The following STMND1 variants were observed in gnomAD, a reference collection of about 807,000 sequenced individuals.
STMND1 encodes stathmin domain containing 1.
Under a neutral mutation model 23.0 loss-of-function variants are expected in STMND1, and 17 were observed. The observed-to-expected ratio is 0.74, with a 90% CI of 0.51 to 1.11. STMND1 has a LOEUF of 1.11. STMND1 is among the 50% of genes least tolerant of loss of function. STMND1 has a pLI of 0.00. For synonymous variants in STMND1, 114 were observed against 119.9 expected (o/e 0.95, Z 0.32); for missense variants, 305 against 329.1 (o/e 0.93, Z 0.57).
Position 17,115,158 on chromosome 6 carries a change from C to G in STMND1, c.259+19C>G. On this transcript the variant is annotated intron_variant, in intron 2 of 4. Transcript: ENST00000536551. ...AATTCAGGTAACCTCCCTCTGCCCCCATTCACGTAGATCTTCACAAAATAC... is the reference window on the plus strand; with the variant it reads ...AATTCAGGTAACCTCCCTCTGCCCCGATTCACGTAGATCTTCACAAAATAC... 1 of 1,527,100 alleles carries G rather than the reference C, an allele frequency of 6.5e-7. No individual in the cohort carries two copies. The highest frequency in any genetic ancestry group is 8.7e-7 in the Non-Finnish European group (1 of 1,143,026). 94.6% of individuals were successfully genotyped at this position (1,527,100 alleles called of 1,614,324 possible).
At position 17,130,809 on chromosome 6, in the gene STMND1, C is replaced by G. The variant is rs760258726; in HGVS notation, c.759C>G (p.Asn253Lys). 6.5e-7 allele frequency: 1 copy of G among 1,535,926 alleles called. No homozygotes were observed. Among genetic ancestry groups the G allele is most frequent in the Admixed American group, 2.0e-5 (1 of 50,970 alleles). ...GTGATGCAACCTTGATTGATAGAAA[C>G]GAAAGTGATGAAAGTTTTGGGGTCG... is the stretch of plus-strand genomic sequence containing the variant. ...SKCDATLIDR[N>K]ESDESFGVVE... Residue 253 changes from asparagine to lysine, a missense_variant, in exon 5 of 5, where the codon AAC becomes AAG. Physicochemically the swap from Asn to Lys is moderately conservative, Grantham distance 94. Transcript: ENST00000536551.
At chr6:17,120,851 A>G in intron 3 of STMND1, 93 bp downstream of exon 3, 1 of 1,022,136 alleles carries the variant, frequency 9.8e-7, no homozygotes, top group Non-Finnish European at 1.4e-6. Context: ...TATGCAAGTT[A>G]CAATACAGAT....
At chr6:17,127,420 C>T (rs1761322683) in intron 3 of STMND1, among the ~76,000 whole-genome samples, 2 of 152,128 alleles carry the variant, frequency 1.3e-5, no homozygotes, top group Admixed American at 6.5e-5. Flanking sequence ...CGTGGTGGCA[C>T]ACACCTGTAA....
chr6:17,118,330 A>C (rs1761187143), intron 2 of STMND1, among the ~76,000 whole-genome samples: 1 of 152,182 alleles, frequency 6.6e-6, no homozygotes, highest in Non-Finnish European at 1.5e-5. Flanking sequence ...AAACTTATAA[A>C]AATAAAATTT....
At chr6:17,107,365 G>A (rs1301680735) in intron 1 of STMND1, among the ~76,000 whole-genome samples, 2 of 152,094 alleles carry the variant, frequency 1.3e-5, no homozygotes, top group African/African-American at 4.8e-5. Flanking sequence ...TCTGTGCATA[G>A]CTGTTAGCTT....
chr6:17,120,521 T>C (rs1042962340), intron 2 of STMND1, 86 bp from the exon 3 acceptor site: 6 of 1,055,964 alleles, frequency 5.7e-6, no homozygotes, highest in East Asian at 2.6e-5. Flanking sequence ...AGTAGCATGG[T>C]TTAGAAGGCA....
chr6:17,114,855 G>A (rs987869109), intron 1 of STMND1, 107 bp from the exon 2 acceptor site: 80 of 1,219,442 alleles, frequency 6.6e-5, no homozygotes, highest in Non-Finnish European at 8.5e-5. Context: ...TTACTATACA[G>A]CCCACCACAG....
chr6:17,113,004 G>C (rs1761114663), intron 1 of STMND1, among the ~76,000 whole-genome samples: 1 of 152,060 alleles, frequency 6.6e-6, no homozygotes, highest in South Asian at 2.1e-4. Flanking sequence ...GTTTTGATTT[G>C]CATTCCCCTA....
At chr6:17,110,015 C>T (rs925237715) in intron 1 of STMND1, among the ~76,000 whole-genome samples, 30 of 152,190 alleles carry the variant, frequency 2.0e-4, no homozygotes, top group African/African-American at 6.8e-4. Flanking sequence ...GTTTCTGCTA[C>T]ACTGGAAGAA....
intron 1 of STMND1, among the ~76,000 whole-genome samples, chr6:17,112,063 G>A (rs887572815): frequency 1.3e-5 from 2 of 152,154 alleles, no homozygotes; most frequent in African/African-American, 4.8e-5. Flanking sequence ...CATTTAAAAT[G>A]TACAATTGAC....
At chr6:17,112,608 T>A (rs892870607) in intron 1 of STMND1, among the ~76,000 whole-genome samples, 2 of 152,072 alleles carry the variant, frequency 1.3e-5, no homozygotes, top group African/African-American at 4.8e-5. Flanking sequence ...AAACTCCGTC[T>A]CTACTAAAAA....
At chr6:17,115,372 T>TAAAA (rs75171969) in intron 2 of STMND1, among the ~76,000 whole-genome samples, 8 of 116,092 alleles carry the variant, frequency 6.9e-5, no homozygotes, top group African/African-American at 2.0e-4. Context: ...GGACCATCTT[T>TAAAA]AAAAAAAAAA....
Position 17,130,641 on chromosome 6 carries a change from G to C in STMND1, c.591G>C (p.Leu197Phe), listed in dbSNP as rs543318607. The change falls in exon 5 of 5, where the codon TTG becomes TTC. Residue 197 changes from leucine (L) to phenylalanine (F), a missense_variant. Coordinates refer to ENST00000536551, the MANE Select transcript of STMND1 (RefSeq NM_001190766.2). ...AAAGGCTACGGAGTGACCGACTTTT[G>C]CCTTCAGCCAATCACTCAGATTCAG... The part of the protein sequence containing the change: ...IRKRLRSDRL[L>F]PSANHSDSAE... The C allele has an allele frequency of 1.3e-5, 20 of 1,535,618 alleles. No individual in the cohort carries two copies. Among genetic ancestry groups the C allele is most frequent in the Admixed American group, 2.0e-5 (1 of 50,928 alleles).
At chr6:17,113,320 G>A (rs914570347) in intron 1 of STMND1, among the ~76,000 whole-genome samples, 6 of 152,144 alleles carry the variant, frequency 3.9e-5, no homozygotes, top group African/African-American at 1.2e-4. Flanking sequence ...GCAGGCAGTC[G>A]AAAAGAACAG....
intron 1 of STMND1, 92 bp downstream of exon 1, chr6:17,102,430 G>A (rs988166377): frequency 6.8e-7 from 1 of 1,472,968 alleles, no homozygotes; most frequent in South Asian, 1.2e-5. Context: ...GGCGACAAGA[G>A]TTGGCTGGAG....
At chr6:17,109,974 C>T (rs1761075790) in intron 1 of STMND1, among the ~76,000 whole-genome samples, 2 of 152,154 alleles carry the variant, frequency 1.3e-5, no homozygotes, top group Admixed American at 6.5e-5. Flanking sequence ...CCCTTTTTCA[C>T]TTCAGTGCCT....
At position 17,102,104 on chromosome 6, in the gene STMND1, G is replaced by C. The variant is rs962932040; in HGVS notation, c.-154G>C. 3.3e-5 allele frequency among the ~76,000 whole-genome samples: 5 copies of C among 152,228 alleles called. No homozygotes were observed. Among genetic ancestry groups the C allele is most frequent in the African/African-American group, 1.2e-4 (5 of 41,474 alleles). On this transcript the variant is annotated 5_prime_UTR_variant, in exon 1 of 5. Coordinates refer to ENST00000536551, the MANE Select transcript of STMND1 (RefSeq NM_001190766.2). ...CGTCCTGCCCGGGGTTTAAGCGCGG[G>C]AAGTGGGAGAGGCGGGTGGCGCCCG...
chr6:17,104,228 A>C (rs1311292688), intron 1 of STMND1, among the ~76,000 whole-genome samples: 2 of 152,182 alleles, frequency 1.3e-5, no homozygotes, highest in Non-Finnish European at 2.9e-5. Context: ...ATACGTAGAA[A>C]TACTTTTTTC....
chr6:17,122,564 G>A (rs1306371386), intron 3 of STMND1, among the ~76,000 whole-genome samples: 1 of 152,088 alleles, frequency 6.6e-6, no homozygotes. Context: ...TTCCTTCTTT[G>A]TGTATGGGGA....
Sources: gnomAD v4.1 joint callset for allele counts (sites outside exome capture counted in the v4.1 genomes callset) on GRCh38, gnomAD v4.1.1 for gene constraint, MANE v1.5 for transcripts, NCBI Gene and HGNC (gene_info 2026-07-23, HGNC 2026-07-21) for gene names.